The following GSK3B variants were observed in gnomAD, a reference collection of about 807,000 sequenced individuals.
GSK3B encodes the protein glycogen synthase kinase 3 beta.
A neutral mutation model predicts 56.4 loss-of-function variants in GSK3B; 15 were observed. That is an observed-to-expected ratio of 0.27 (90% confidence interval 0.18 to 0.41). The LOEUF is 0.41. Ranked by LOEUF, GSK3B falls within the 10% of genes least tolerant of loss-of-function variation. The pLI, the probability that GSK3B is intolerant of heterozygous loss-of-function variation, is 1.00. For missense variants in GSK3B, 300 were observed against 513.4 expected, an observed-to-expected ratio of 0.58 and a Z score of 4.02; for synonymous variants, 181 against 188.9, an observed-to-expected ratio of 0.96 and a Z score of 0.34.
At chr3:120,021,397 T>C (rs2057876190) in intron 1 of GSK3B, among the ~76,000 whole-genome samples, 1 of 150,190 alleles carries the variant, frequency 6.7e-6, no homozygotes, top group African/African-American at 2.5e-5. Flanking sequence ...GCACCTGTAA[T>C]CCCAGCTACT....
chr3:119,929,260 G>T (rs1367965229), intron 3 of GSK3B, among the ~76,000 whole-genome samples: 1 of 152,162 alleles, frequency 6.6e-6, no homozygotes, highest in Non-Finnish European at 1.5e-5. Flanking sequence ...GTATTAAATA[G>T]AATTCAAAGA....
intron 6 of GSK3B, among the ~76,000 whole-genome samples, chr3:119,908,950 G>A (rs1490102997): frequency 1.3e-5 from 2 of 152,248 alleles, no homozygotes; most frequent in Non-Finnish European, 2.9e-5. Flanking sequence ...GTGTTTGCTT[G>A]TATCAGAGAA....
At chr3:120,056,403 G>C (rs540877469) in intron 1 of GSK3B, among the ~76,000 whole-genome samples, 8 of 152,240 alleles carry the variant, frequency 5.3e-5, no homozygotes, top group African/African-American at 1.9e-4. Context: ...GCACTAGTAC[G>C]ATCTTGGCTG....
At chr3:119,941,674 AAC>A (rs767084805) in intron 3 of GSK3B, among the ~76,000 whole-genome samples, 6 of 152,232 alleles carry the variant, frequency 3.9e-5, no homozygotes, top group African/African-American at 1.4e-4. Flanking sequence ...GCTATTAATA[AAC>A]ACAATAATAG....
intron 2 of GSK3B, among the ~76,000 whole-genome samples, chr3:119,970,287 T>G (rs914636218): frequency 3.9e-5 from 6 of 152,178 alleles, no homozygotes; most frequent in Non-Finnish European, 4.4e-5. Flanking sequence ...GGTAAAAGAT[T>G]TGAAGAGAAA....
intron 1 of GSK3B, among the ~76,000 whole-genome samples, chr3:120,046,676 T>C: frequency 6.6e-6 from 1 of 152,178 alleles, no homozygotes; most frequent in East Asian, 1.9e-4. Flanking sequence ...GGGTACAATC[T>C]TGGCTCACTG....
intron 1 of GSK3B, among the ~76,000 whole-genome samples, chr3:120,081,246 C>T (rs2058416941): frequency 1.3e-5 from 2 of 150,578 alleles, no homozygotes; most frequent in Admixed American, 1.3e-4. Flanking sequence ...ATCATTCCTT[C>T]ACATTTAAGA....
At chr3:120,020,849 A>T (rs1476107010) in intron 1 of GSK3B, among the ~76,000 whole-genome samples, 1 of 152,252 alleles carries the variant, frequency 6.6e-6, no homozygotes, top group Non-Finnish European at 1.5e-5. Flanking sequence ...TTCTTGAAGG[A>T]AATTAAAAGT....
At chr3:119,952,176 A>C (rs545993286) in intron 2 of GSK3B, among the ~76,000 whole-genome samples, 1 of 152,124 alleles carries the variant, frequency 6.6e-6, no homozygotes, top group African/African-American at 2.4e-5. Context: ...GAAAACCACT[A>C]ATCTATCAAA....
chr3:119,843,130 G>T, intron 10 of GSK3B, 125 bp downstream of exon 10: 1 of 463,752 alleles, frequency 2.2e-6, no homozygotes, highest in Non-Finnish European at 4.2e-6. Flanking sequence ...GGTCAGGCTG[G>T]TCTCAAACTC....
intron 8 of GSK3B, among the ~76,000 whole-genome samples, chr3:119,865,466 A>ATATATT (rs1244552588): frequency 1.5e-4 from 5 of 34,106 alleles, no homozygotes; most frequent in African/African-American, 2.2e-4. Context: ...ATATATATAT[A>ATATATT]TTTTTTTTTT....
intron 1 of GSK3B, among the ~76,000 whole-genome samples, chr3:120,003,630 G>A (rs1173124455): frequency 6.6e-6 from 1 of 152,094 alleles, no homozygotes; most frequent in Non-Finnish European, 1.5e-5. Flanking sequence ...TAAATTGCTA[G>A]ATAAATGAAT....
intron 2 of GSK3B, among the ~76,000 whole-genome samples, chr3:119,989,851 T>C (rs1396548635): frequency 6.6e-6 from 1 of 151,968 alleles, no homozygotes; most frequent in African/African-American, 2.4e-5. Context: ...CACAGACAAC[T>C]ACCCAAAAAC....
At chr3:119,910,953 C>G (rs1327871567) in intron 6 of GSK3B, among the ~76,000 whole-genome samples, 1 of 152,204 alleles carries the variant, frequency 6.6e-6, no homozygotes, top group Non-Finnish European at 1.5e-5. Context: ...GGCTCCACTT[C>G]TAATTCTAGT....
At chr3:120,066,325 A>G (rs2058278230) in intron 1 of GSK3B, among the ~76,000 whole-genome samples, 1 of 152,280 alleles carries the variant, frequency 6.6e-6, no homozygotes, top group Admixed American at 6.5e-5. Flanking sequence ...TGAGCCTGGA[A>G]CATCTTGTCA....
chr3:119,897,254 T>G (rs924425096), intron 7 of GSK3B, among the ~76,000 whole-genome samples: 2 of 152,198 alleles, frequency 1.3e-5, no homozygotes, highest in African/African-American at 4.8e-5. Flanking sequence ...GGGATTTAAC[T>G]AAGTATGGGT....
chr3:119,968,616 A>G (rs763708243), intron 2 of GSK3B, among the ~76,000 whole-genome samples: 1 of 152,226 alleles, frequency 6.6e-6, no homozygotes, highest in Non-Finnish European at 1.5e-5. Context: ...TCAGCTTGAT[A>G]AAGTACAATA....
chr3:119,834,685 A>G (rs113905977), intron 10 of GSK3B, among the ~76,000 whole-genome samples: 2 of 152,340 alleles, frequency 1.3e-5, no homozygotes, highest in African/African-American at 4.8e-5. Flanking sequence ...AAGAAAAAAA[A>G]GGACATATAA....
At chr3:120,019,432 T>C (rs1576275519) in intron 1 of GSK3B, among the ~76,000 whole-genome samples, 1 of 152,354 alleles carries the variant, frequency 6.6e-6, no homozygotes. Flanking sequence ...ATCATTTGCA[T>C]GTTATACTCT....
Sources: gnomAD v4.1 joint callset for allele counts (sites outside exome capture counted in the v4.1 genomes callset) on GRCh38, gnomAD v4.1.1 for gene constraint, MANE v1.5 for transcripts, NCBI Gene and HGNC (gene_info 2026-07-23, HGNC 2026-07-21) for gene names.